DAAM1: variants seen among roughly 807,000 people sequenced by gnomAD.
The protein encoded by DAAM1 is disheveled-associated activator of morphogenesis 1.
A neutral mutation model predicts 130.0 loss-of-function variants in DAAM1; 52 were observed. That is an observed-to-expected ratio of 0.40 (90% CI 0.32 to 0.50). The LOEUF is 0.50. Among genes scored for constraint, DAAM1 ranks in the 20% least tolerant of loss-of-function variants. DAAM1 has a pLI of 0.61. For missense variants in DAAM1, 1,134 were observed against 1,303.8 expected (o/e 0.87, Z 2.01); for synonymous variants, 452 against 444.5 (o/e 1.02, Z -0.21).
chr14:59,369,546 T>A lies in DAAM1; in HGVS notation c.*687T>A, dbSNP rs1283430781. On this transcript the variant is annotated 3_prime_UTR_variant, in exon 25 of 25. Coordinates refer to ENST00000360909, the MANE Select transcript of DAAM1 (RefSeq NM_001270520.2). ...TTGGACATCAATTTTTTCCCCTGAT[T>A]TCATCAAGTTATCTCTGCCAAGTGC... 1.3e-5 allele frequency: 2 copies of A among 152,448 alleles called. No individual in the cohort carries two copies. The highest frequency in any genetic ancestry group is 2.4e-5 in the African/African-American group (1 of 41,398). The allele number at this position is 152,448 out of a possible 1,614,324, so 9.4% of individuals were successfully genotyped here. A position where few individuals can be genotyped will look rare whatever the true frequency, so the allele number is the denominator to read the frequency against.
At chr14:59,261,196 C>A (rs1265526595) in intron 1 of DAAM1, among the ~76,000 whole-genome samples, 1 of 152,112 alleles carries the variant, frequency 6.6e-6, no homozygotes, top group Non-Finnish European at 1.5e-5. Flanking sequence ...GCCTAAAGAC[C>A]CTGTTTTCCA....
chr14:59,323,207 C>T lies in DAAM1; in HGVS notation c.756C>T (p.Ser252=), dbSNP rs141883625. Residue 252 remains serine (S), a synonymous_variant, in exon 6 of 25, where the codon AGC becomes AGT. Coordinates refer to ENST00000360909, the MANE Select transcript of DAAM1 (RefSeq NM_001270520.2). ...TGCTGCACTACCAGAAGTATGCCAG[C>T]GAAAGGACCCGCTTTCAGGTGGGTG... ...QAMLHYQKYA[S]ERTRFQTLIN... The T allele has an allele frequency of 5.0e-5, 80 of 1,607,132 alleles. No homozygotes were observed. The African/African-American group carries it at 7.9e-4, about 16-fold the overall frequency.
At chr14:59,332,064 G>T in intron 15 of DAAM1, 144 bp downstream of exon 15, 1 of 686,208 alleles carries the variant, frequency 1.5e-6, no homozygotes, top group Non-Finnish European at 2.5e-6. Flanking sequence ...CCGTGTCTCC[G>T]TCCAAGTGCC....
At chr14:59,277,131 A>G (rs1265379381) in intron 2 of DAAM1, among the ~76,000 whole-genome samples, 1 of 152,200 alleles carries the variant, frequency 6.6e-6, no homozygotes, top group African/African-American at 2.4e-5. Context: ...AAATGATCCC[A>G]TATTTCAGTT....
chr14:59,284,570 A>G (rs1883360091), intron 2 of DAAM1, among the ~76,000 whole-genome samples: 1 of 152,166 alleles, frequency 6.6e-6, no homozygotes, highest in Non-Finnish European at 1.5e-5. Flanking sequence ...TCCAAGGAAA[A>G]CAGTAAAATG....
At chr14:59,216,157 C>G (rs1272713290) in intron 1 of DAAM1, among the ~76,000 whole-genome samples, 1 of 152,188 alleles carries the variant, frequency 6.6e-6, no homozygotes, top group African/African-American at 2.4e-5. Flanking sequence ...CCTCCTCTGA[C>G]TTCCCAGGGT....
intron 1 of DAAM1, among the ~76,000 whole-genome samples, chr14:59,253,593 C>T (rs1881741200): frequency 6.6e-6 from 1 of 152,220 alleles, no homozygotes; most frequent in African/African-American, 2.4e-5. Context: ...AGCAAACTGT[C>T]ATTTACCAAG....
At chr14:59,303,858 C>T (rs1884275423) in intron 3 of DAAM1, among the ~76,000 whole-genome samples, 1 of 152,028 alleles carries the variant, frequency 6.6e-6, no homozygotes, top group African/African-American at 2.4e-5. Context: ...CAAAATTGCA[C>T]GACTGTACTT....
Position 59,359,448 on chromosome 14 carries a change from C to G in DAAM1, c.2577C>G (p.Pro859=). ...YLITIVENKY[P]SVLNLNEELR... ...TCACTATTGTGGAAAATAAGTACCC[C>G]AGTGTTCTCAATCTAAATGAAGAAT... Residue 859 remains proline, a synonymous_variant, in exon 21 of 25, where the codon CCC becomes CCG. Transcript: ENST00000360909. The G allele has an allele frequency of 6.2e-7, 1 of 1,613,846 alleles. No individual in the cohort carries two copies. The highest frequency in any genetic ancestry group is 8.5e-7 in the Non-Finnish European group (1 of 1,179,868).
intron 2 of DAAM1, among the ~76,000 whole-genome samples, chr14:59,288,046 ACAT>A (rs1195530044): frequency 1.3e-5 from 2 of 152,162 alleles, no homozygotes; most frequent in Admixed American, 1.3e-4. Context: ...AAAAACCAAA[ACAT>A]CATGGTACTG....
chr14:59,311,926 G>A (rs777016986), intron 3 of DAAM1, among the ~76,000 whole-genome samples: 2 of 151,880 alleles, frequency 1.3e-5, no homozygotes, highest in Non-Finnish European at 2.9e-5. Context: ...CTTGAACTCC[G>A]GGCCTCAAGT....
chr14:59,269,615 C>T (rs1882619720), intron 2 of DAAM1, among the ~76,000 whole-genome samples: 1 of 152,204 alleles, frequency 6.6e-6, no homozygotes, highest in African/African-American at 2.4e-5. Context: ...GCTTAGGTCT[C>T]AGTGAATTCT....
chr14:59,260,001 G>A (rs957435561), intron 1 of DAAM1, among the ~76,000 whole-genome samples: 25 of 152,008 alleles, frequency 1.6e-4, no homozygotes, highest in Admixed American at 2.6e-4. Context: ...CTGAGATCGC[G>A]CCACTGCACT....
chr14:59,264,065 C>T, intron 2 of DAAM1: 1 of 272,920 alleles, frequency 3.7e-6, no homozygotes, highest in Admixed American at 4.9e-5. Context: ...ACCGAATGTA[C>T]AGTATTAACG....
rs552226770 is a variant in DAAM1 at position 59,189,141 on chromosome 14, G to C, written c.-38+373G>C. ...CGCCGCCTTGCTGAAGGCTCCCCGGGGCTGGGGCCGCGGGTACTGCAGCGG... is the reference window on the plus strand; with the variant it reads ...CGCCGCCTTGCTGAAGGCTCCCCGGCGCTGGGGCCGCGGGTACTGCAGCGG... On this transcript the variant is annotated intron_variant, in intron 1 of 24. Coordinates refer to ENST00000360909, the MANE Select transcript of DAAM1 (RefSeq NM_001270520.2). Among the ~76,000 whole-genome samples the C allele has an allele frequency of 7.6e-4, 116 of 152,316 alleles. 1 individual carries two copies. The South Asian group carries it at 0.018, about 24-fold the overall frequency.
At chr14:59,352,951 A>G (rs1426060995) in intron 18 of DAAM1, among the ~76,000 whole-genome samples, 1 of 151,358 alleles carries the variant, frequency 6.6e-6, no homozygotes, top group Non-Finnish European at 1.5e-5. Flanking sequence ...ATAGTGTCTC[A>G]TACTTCCAAG....
At chr14:59,294,462 A>G (rs1257104233) in intron 3 of DAAM1, among the ~76,000 whole-genome samples, 1 of 152,218 alleles carries the variant, frequency 6.6e-6, no homozygotes, top group African/African-American at 2.4e-5. Context: ...TTGGGGGAGC[A>G]TAAGAGATGG....
At chr14:59,253,195 G>A (rs1039949468) in intron 1 of DAAM1, among the ~76,000 whole-genome samples, 9 of 152,328 alleles carry the variant, frequency 5.9e-5, no homozygotes, top group African/African-American at 1.9e-4. Context: ...TGATAAAACT[G>A]AGTTTCAGAG....
intron 1 of DAAM1, among the ~76,000 whole-genome samples, chr14:59,198,040 ACTTAT>A (rs1157564052): frequency 1.3e-5 from 2 of 151,952 alleles, no homozygotes; most frequent in African/African-American, 2.4e-5. Flanking sequence ...GCTGGGTTTC[ACTTAT>A]CTTATCATTT....
Sources: gnomAD v4.1 joint callset for allele counts (sites outside exome capture counted in the v4.1 genomes callset) on GRCh38, gnomAD v4.1.1 for gene constraint, MANE v1.5 for transcripts, NCBI Gene and HGNC (gene_info 2026-07-23, HGNC 2026-07-21) for gene names.